STK39: variants seen among roughly 807,000 people sequenced by gnomAD.
STK39 encodes serine/threonine kinase 39, also known as STE20/SPS1-related proline-alanine-rich protein kinase.
A neutral mutation model predicts 77.8 loss-of-function variants in STK39; 20 were observed. The observed-to-expected ratio is 0.26, with a 90% confidence interval of 0.18 to 0.37. The LOEUF (loss-of-function observed/expected upper bound fraction) is 0.37. STK39 is among the 10% of genes least tolerant of loss of function. The pLI is 1.00. For missense variants in STK39, 479 were observed against 656.5 expected, an observed-to-expected ratio of 0.73 and a Z score of 2.95; for synonymous variants, 246 against 234.1, an observed-to-expected ratio of 1.05 and a Z score of -0.47.
chr2:167,972,023 G>C (rs1417491218), intron 16 of STK39, among the ~76,000 whole-genome samples: 1 of 152,192 alleles, frequency 6.6e-6, no homozygotes, highest in South Asian at 2.1e-4. Context: ...AAAATTGAGA[G>C]GCTTTTTGCC....
intron 16 of STK39, among the ~76,000 whole-genome samples, chr2:167,983,869 T>G (rs1257453137): frequency 1.3e-5 from 2 of 152,172 alleles, no homozygotes; most frequent in Non-Finnish European, 2.9e-5. Flanking sequence ...GATCCTAATT[T>G]CTGCTGTTTC....
At chr2:168,007,904 T>C (rs1684172010) in intron 16 of STK39, among the ~76,000 whole-genome samples, 1 of 152,216 alleles carries the variant, frequency 6.6e-6, no homozygotes, top group African/African-American at 2.4e-5. Context: ...AAAAGTCACA[T>C]ATTATAAAGT....
At chr2:167,956,946 G>A (rs1333349251) in intron 17 of STK39, among the ~76,000 whole-genome samples, 3 of 152,002 alleles carry the variant, frequency 2.0e-5, no homozygotes, top group African/African-American at 7.3e-5. Context: ...ATGGAAACGT[G>A]CCCTTTCCAA....
At chr2:168,189,140 G>T (rs1456993189) in intron 1 of STK39, among the ~76,000 whole-genome samples, 1 of 152,198 alleles carries the variant, frequency 6.6e-6, no homozygotes, top group Non-Finnish European at 1.5e-5. Context: ...GGATGAGGTG[G>T]ATTAATGGCC....
At chr2:168,085,685 G>C (rs191528560) in intron 10 of STK39, among the ~76,000 whole-genome samples, 37 of 152,340 alleles carry the variant, frequency 2.4e-4, no homozygotes, top group African/African-American at 8.4e-4. Context: ...AGCGTAGATA[G>C]ATAGCAAATT....
At chr2:168,199,584 G>A (rs1689561308) in intron 1 of STK39, among the ~76,000 whole-genome samples, 1 of 151,088 alleles carries the variant, frequency 6.6e-6, no homozygotes, top group African/African-American at 2.4e-5. Context: ...CTGGAGTGCA[G>A]TGGCACGATC....
At chr2:168,153,795 T>C (rs1045412830) in intron 5 of STK39, among the ~76,000 whole-genome samples, 4 of 152,026 alleles carry the variant, frequency 2.6e-5, no homozygotes. Flanking sequence ...CCGATTTGAC[T>C]GAAGAGGAAG....
chr2:167,987,173 C>A (rs1683581628), intron 16 of STK39, among the ~76,000 whole-genome samples: 1 of 152,168 alleles, frequency 6.6e-6, no homozygotes, highest in Non-Finnish European at 1.5e-5. Flanking sequence ...AAAGACTGGG[C>A]ACGAGCAAAG....
In STK39 at chr2:167,979,496, C is replaced by T. The variant is rs865954055; in HGVS notation, c.1499-14770G>A. On this transcript the variant is annotated intron_variant, in intron 16 of 17. Coordinates refer to ENST00000355999, the MANE Select transcript of STK39 (RefSeq NM_013233.3). ...ACTTTCTGACAATAAAGGTCTTAAACGTTCCCATAAATACAAGTATGGTTT... is the reference window on the plus strand; with the variant it reads ...ACTTTCTGACAATAAAGGTCTTAAATGTTCCCATAAATACAAGTATGGTTT... 6.6e-5 allele frequency among the ~76,000 whole-genome samples: 10 copies of T among 152,260 alleles called. No homozygotes were observed. The South Asian group carries it at 8.3e-4, about 13-fold the overall frequency.
intron 16 of STK39, among the ~76,000 whole-genome samples, chr2:168,009,566 C>T (rs903610130): frequency 7.9e-5 from 12 of 152,160 alleles, no homozygotes; most frequent in East Asian, 3.9e-4. Flanking sequence ...GATACTTCTT[C>T]GGACCTCAGT....
intron 1 of STK39, among the ~76,000 whole-genome samples, chr2:168,186,133 T>C (rs1214822046): frequency 1.3e-5 from 2 of 152,164 alleles, no homozygotes; most frequent in Admixed American, 6.5e-5. Context: ...CCTGGTCCAA[T>C]AGGATTAGTA....
intron 10 of STK39, among the ~76,000 whole-genome samples, chr2:168,118,593 A>G (rs1687317299): frequency 9.4e-6 from 1 of 106,058 alleles, no homozygotes. Flanking sequence ...TTCCCAGAAC[A>G]TATGCTTTCA....
intron 14 of STK39, among the ~76,000 whole-genome samples, chr2:168,060,125 T>TC (rs914441702): frequency 6.6e-5 from 10 of 151,026 alleles, no homozygotes; most frequent in East Asian, 1.9e-4. Flanking sequence ...TACAAGGACA[T>TC]CCCCCCCCTT....
intron 16 of STK39, among the ~76,000 whole-genome samples, chr2:167,985,219 CT>C (rs1683526897): frequency 6.6e-6 from 1 of 152,122 alleles, no homozygotes; most frequent in Non-Finnish European, 1.5e-5. Flanking sequence ...TTTTTCTTCC[CT>C]GATATTGTTC....
Position 168,108,713 on chromosome 2 carries a change from C to G in STK39, c.1089+20828G>C, listed in dbSNP as rs1208656178. Among the ~76,000 whole-genome samples the G allele has an allele frequency of 1.3e-5, 2 of 152,216 alleles. 1 individual carries two copies. The highest frequency in any genetic ancestry group is 3.9e-4 in the East Asian group (2 of 5,184). ...AGAAATCTGTACTAAACTCACTAAC[C>G]CTTCTCAATGAATCGATAAGCAATA... On this transcript the variant is annotated intron_variant, in intron 10 of 17. Transcript: ENST00000355999.
chr2:168,066,141 T>C (rs3769419), intron 12 of STK39, among the ~76,000 whole-genome samples: 8,970 of 152,262 alleles, frequency 0.059, 430 homozygotes, highest in East Asian at 0.19. Flanking sequence ...CAAAAATTAT[T>C]TGTGAGAAGA....
intron 12 of STK39, among the ~76,000 whole-genome samples, chr2:168,071,729 C>A (rs995958337): frequency 6.6e-6 from 1 of 151,964 alleles, no homozygotes; most frequent in East Asian, 1.9e-4. Flanking sequence ...ATTAGCTAGG[C>A]ATGGTGGCAG....
chr2:168,102,806 T>C lies in STK39; in HGVS notation c.1089+26735A>G, dbSNP rs1686867398. Among the ~76,000 whole-genome samples, 5 of 151,878 alleles carry C rather than the reference T, an allele frequency of 3.3e-5. No homozygotes were observed. The South Asian group carries it at 1.0e-3, about 32-fold the overall frequency. ...ATTAGTCTGTGTGGTGGTGGGCACC[T>C]GTAGTCCCAGCTACTCGGGAGGCTG... On this transcript the variant is annotated intron_variant, in intron 10 of 17. Coordinates refer to ENST00000355999, the MANE Select transcript of STK39 (RefSeq NM_013233.3).
chr2:167,975,288 G>C (rs1683245079), intron 16 of STK39, among the ~76,000 whole-genome samples: 1 of 152,052 alleles, frequency 6.6e-6, no homozygotes, highest in Non-Finnish European at 1.5e-5. Context: ...TTTTCATTCA[G>C]TTTTTTTCAA....
Sources: gnomAD v4.1 joint callset for allele counts (sites outside exome capture counted in the v4.1 genomes callset) on GRCh38, gnomAD v4.1.1 for gene constraint, MANE v1.5 for transcripts, NCBI Gene and HGNC (gene_info 2026-07-23, HGNC 2026-07-21) for gene names.